Variants in PTGER3 observed in about 807,000 individuals in gnomAD.
PTGER3 encodes the protein prostaglandin E receptor 3.
In PTGER3, 22 loss-of-function variants were observed where a neutral mutation model predicts 34.7. The ratio of observed to expected loss-of-function variants is 0.63; its 90% confidence interval spans 0.45 to 0.91. PTGER3 has a LOEUF of 0.91. PTGER3 is among the 40% of genes least tolerant of loss of function. PTGER3 has a pLI of 0.00. For synonymous variants in PTGER3, 241 were observed against 230.1 expected (o/e 1.05, Z -0.43); for missense variants, 468 against 519.4 (o/e 0.90, Z 0.96).
intron 1 of PTGER3, among the ~76,000 whole-genome samples, chr1:71,030,724 A>G (rs1331444817): frequency 6.6e-6 from 1 of 152,180 alleles, no homozygotes; most frequent in Non-Finnish European, 1.5e-5. Context: ...ATTTTTCAGA[A>G]TATGCTCCCT....
At chr1:70,956,768 C>T (rs1489393645) in intron 2 of PTGER3, among the ~76,000 whole-genome samples, 3 of 152,076 alleles carry the variant, frequency 2.0e-5, no homozygotes, top group African/African-American at 4.8e-5. Context: ...CTTTGGGAAG[C>T]GGAAGTGGGC....
intron 1 of PTGER3, among the ~76,000 whole-genome samples, chr1:71,026,277 G>A (rs1195066877): frequency 1.3e-5 from 2 of 152,170 alleles, no homozygotes; most frequent in Non-Finnish European, 2.9e-5. Context: ...TAAGTGCTAT[G>A]TAAGTACTAC....
intron 4 of PTGER3, among the ~76,000 whole-genome samples, chr1:70,909,887 A>G (rs1392195587): frequency 6.6e-6 from 1 of 152,234 alleles, no homozygotes; most frequent in African/African-American, 2.4e-5. Flanking sequence ...AAGAATCAGA[A>G]AGAACTGATT....
chr1:70,944,089 C>T (rs1420542002), intron 4 of PTGER3, among the ~76,000 whole-genome samples: 3 of 152,032 alleles, frequency 2.0e-5, no homozygotes, highest in South Asian at 2.1e-4. Flanking sequence ...GTATAGTTGA[C>T]ATATGTAATT....
intron 4 of PTGER3, chr1:70,869,436 C>T (rs1004471518): frequency 8.4e-6 from 3 of 356,830 alleles, no homozygotes; most frequent in African/African-American, 2.1e-5. Flanking sequence ...CTGCGAAATA[C>T]AGTCATGACT....
At chr1:70,898,407 A>G (rs866760826) in intron 4 of PTGER3, among the ~76,000 whole-genome samples, 2 of 151,904 alleles carry the variant, frequency 1.3e-5, no homozygotes, top group Non-Finnish European at 2.9e-5. Context: ...ATGCTCATAT[A>G]CTCCCTGCCC....
At position 70,975,596 on chromosome 1, in the gene PTGER3, C is replaced by A. The variant is rs567030265; in HGVS notation, c.1078-1208G>T. ...GCATTATACAAGCAGTCCAGACAGACATATAGTTTTCCAATCTTTAACTGT... is the reference window on the plus strand; with the variant it reads ...GCATTATACAAGCAGTCCAGACAGAAATATAGTTTTCCAATCTTTAACTGT... On this transcript the variant is annotated intron_variant, in intron 2 of 3. Transcript: ENST00000306666. Among the ~76,000 whole-genome samples the A allele has an allele frequency of 1.3e-4, 20 of 152,150 alleles. No homozygotes were observed. In the East Asian group the frequency reaches 3.5e-3, roughly 26 times the overall value.
rs890101546 is a variant in PTGER3 at position 70,866,555 on chromosome 1, A to T, written c.*24-13696T>A. On this transcript the variant is annotated intron_variant, in intron 4 of 4. Coordinates refer to the PTGER3 transcript ENST00000370931. ...TGATATGCTCATCTCTGTGTCTTAC[A>T]TCAGGATGACCAGACTATGAGCTTT... Among the ~76,000 whole-genome samples, 4 of 152,196 alleles carry T rather than the reference A, an allele frequency of 2.6e-5. No homozygotes were observed. In the East Asian group the frequency reaches 7.7e-4, roughly 29 times the overall value.
chr1:70,989,782 G>C (rs1208533253), intron 2 of PTGER3, among the ~76,000 whole-genome samples: 3 of 152,052 alleles, frequency 2.0e-5, no homozygotes, highest in Admixed American at 6.6e-5. Context: ...CATTTACTTT[G>C]ATAGTATTGG....
At chr1:70,987,433 T>C (rs939305551) in intron 2 of PTGER3, among the ~76,000 whole-genome samples, 1 of 152,206 alleles carries the variant, frequency 6.6e-6, no homozygotes, top group Non-Finnish European at 1.5e-5. Flanking sequence ...AAAGAAAATA[T>C]TAAATGCACT....
chr1:71,009,768 G>A (rs752324362), intron 2 of PTGER3: 245 of 984,966 alleles, frequency 2.5e-4, no homozygotes, highest in Non-Finnish European at 2.9e-4. Flanking sequence ...TTAGACATAT[G>A]TATGGACAAA....
At chr1:71,008,724 A>G in intron 2 of PTGER3, 6 of 979,438 alleles carry the variant, frequency 6.1e-6, no homozygotes, top group Non-Finnish European at 7.3e-6. Flanking sequence ...CAGTTTTAAC[A>G]GATTTTGAGA....
At chr1:70,889,853 C>T (rs1646578306) in intron 4 of PTGER3, among the ~76,000 whole-genome samples, 1 of 151,842 alleles carries the variant, frequency 6.6e-6, no homozygotes, top group South Asian at 2.1e-4. Flanking sequence ...AGGCTTCTTC[C>T]CTTGGGACAG....
At chr1:71,008,492 T>C in intron 2 of PTGER3, 1 of 920,436 alleles carries the variant, frequency 1.1e-6, no homozygotes, top group South Asian at 5.0e-5. Flanking sequence ...TTTATCATCA[T>C]CACCACCTAG....
chr1:71,007,643 C>T lies in PTGER3; in HGVS notation c.1077+4662G>A, dbSNP rs181787786. The T allele has an allele frequency of 7.6e-5, 75 of 985,300 alleles. No homozygotes were observed. In the African/African-American group the frequency reaches 1.1e-3, roughly 15 times the overall value. The allele number at this position is 985,300 out of a possible 1,614,324, so 61.0% of individuals were successfully genotyped here. A position where few individuals can be genotyped will look rare whatever the true frequency, so the allele number is the denominator to read the frequency against. On this transcript the variant is annotated intron_variant, in intron 2 of 3. Transcript: ENST00000306666. ...CATGAGTATCCTTTCAAAAGTAGAA[C>T]GTTGAAGTGTATTAGTAAATCACAC...
intron 4 of PTGER3, among the ~76,000 whole-genome samples, chr1:70,853,316 G>A (rs955719069): frequency 1.3e-5 from 2 of 152,272 alleles, no homozygotes. Flanking sequence ...TCCATTTAGT[G>A]TTAAAAGACA....
At chr1:70,918,886 A>C (rs550519406) in intron 4 of PTGER3, among the ~76,000 whole-genome samples, 6 of 152,056 alleles carry the variant, frequency 3.9e-5, no homozygotes, top group Non-Finnish European at 8.8e-5. Flanking sequence ...ACCTAAGAAA[A>C]ATGAAGCAGA....
chr1:71,029,773 A>C (rs1376755574), intron 1 of PTGER3, among the ~76,000 whole-genome samples: 1 of 151,954 alleles, frequency 6.6e-6, no homozygotes, highest in Non-Finnish European at 1.5e-5. Flanking sequence ...TAAACATACA[A>C]AAATTAGCTG....
At position 70,852,861 on chromosome 1, in the gene PTGER3, T is replaced by G. The variant is rs771313137; in HGVS notation, c.*24-2A>C. On this transcript the variant is annotated splice_acceptor_variant, in intron 4 of 4. Coordinates refer to the PTGER3 transcript ENST00000370931. LOFTEE classifies it low-confidence loss of function (3UTR_SPLICE). ...GTTTTAATTTCCCCAAAATTCCTCCTGGAAAACAAACAAATCAATTAGGAT... is the reference window on the plus strand; with the variant it reads ...GTTTTAATTTCCCCAAAATTCCTCCGGGAAAACAAACAAATCAATTAGGAT... 14 of 1,613,244 alleles carry G rather than the reference T, an allele frequency of 8.7e-6. No individual in the cohort carries two copies. In the South Asian group the frequency reaches 1.5e-4, roughly 18 times the overall value.
Sources: allele counts gnomAD v4.1 joint callset (sites outside exome capture counted in the v4.1 genomes callset), GRCh38; gene constraint gnomAD v4.1.1; transcripts MANE v1.5; gene names NCBI Gene and HGNC (gene_info 2026-07-23, HGNC 2026-07-21).